The following CAPN12 variants were observed in gnomAD, a reference collection of about 807,000 sequenced individuals.
CAPN12 encodes calpain-12.
A neutral mutation model predicts 95.0 loss-of-function variants in CAPN12; 107 were observed. The observed-to-expected ratio is 1.13, with a 90% CI of 0.96 to 1.32. CAPN12 has a LOEUF of 1.32. Among genes scored for constraint, CAPN12 ranks in the 40% most tolerant of loss-of-function variants. The probability of loss-of-function intolerance (pLI) is 0.00; values close to 1 mark genes in which losing one functional copy is unlikely to be tolerated. For missense variants in CAPN12, 1,136 were observed against 997.8 expected (o/e 1.14, Z -1.87); for synonymous variants, 505 against 415.5 (o/e 1.22, Z -2.62).
Position 38,730,585 on chromosome 19 carries a change from G to A in CAPN12, c.*267C>T. 3.6e-6 allele frequency: 2 copies of A among 561,568 alleles called. No homozygotes were observed. Among genetic ancestry groups the A allele is most frequent in the Admixed American group, 3.1e-5 (1 of 31,852 alleles). The allele number at this position is 561,568 out of a possible 1,614,324, so 34.8% of individuals were successfully genotyped here. ...TCCTGTGTCTGTCCTCCACCTTCTA[G>A]GAGAGCCAGGGCAGAGCTAGCACTG... On this transcript the variant is annotated 3_prime_UTR_variant, in exon 21 of 21. Transcript: ENST00000328867.
Position 38,736,326 on chromosome 19 carries a change from C to G in CAPN12, c.1375-8G>C. ...ATCCCAGAGGCCCAGCAGCTGGGGACGGGGCGGCATGACCACGGACCAGGC... is the reference window on the plus strand; with the variant it reads ...ATCCCAGAGGCCCAGCAGCTGGGGAGGGGGCGGCATGACCACGGACCAGGC... On this transcript the variant is annotated splice_region_variant and splice_polypyrimidine_tract_variant and intron_variant, in intron 11 of 20. Coordinates refer to ENST00000328867, the MANE Select transcript of CAPN12 (RefSeq NM_144691.4). The G allele has an allele frequency of 2.1e-6, 3 of 1,448,038 alleles. No homozygotes were observed. The highest frequency in any genetic ancestry group is 2.7e-6 in the Non-Finnish European group (3 of 1,102,082). 89.7% of individuals were successfully genotyped at this position (1,448,038 alleles called of 1,614,324 possible).
At chr19:38,735,598 G>GTT in intron 12 of CAPN12, 54 bp from the exon 13 acceptor site, 2 of 1,577,972 alleles carry the variant, frequency 1.3e-6, no homozygotes, top group South Asian at 1.1e-5. Flanking sequence ...AGCTGGGGCT[G>GTT]TGTGGGACGG....
chr19:38,742,450 T>G lies in CAPN12; in HGVS notation c.386A>C (p.Gln129Pro). ...RLLRRVVPPG[Q>P]DFQHGYAGVF... ...GCCTGCGTAGCCATGCTGGAAATCC[T>G]GTCCAGGAGGGACCACCCGGCGCAG... The change falls in exon 3 of 21, where the codon CAG (glutamine) becomes CCG (proline). Residue 129 changes from glutamine to proline, a missense_variant. Coordinates refer to ENST00000328867, the MANE Select transcript of CAPN12 (RefSeq NM_144691.4). The G allele has an allele frequency of 6.2e-7, 1 of 1,614,074 alleles. No individual in the cohort carries two copies. Among genetic ancestry groups the G allele is most frequent in the Non-Finnish European group, 8.5e-7 (1 of 1,179,976 alleles).
intron 16 of CAPN12, 43 bp from the exon 17 acceptor site, chr19:38,734,247 C>T (rs998578637): frequency 3.7e-6 from 6 of 1,610,856 alleles, no homozygotes; most frequent in Non-Finnish European, 5.1e-6. Flanking sequence ...TCAATCTCTC[C>T]AGAAGGGGAG....
In CAPN12 at chr19:38,737,574, C is replaced by A; in HGVS notation, c.1030G>T (p.Val344Leu). ...TVQICSLSPE[V>L]LGPSPEGGGW... The stretch of plus-strand genomic sequence containing the variant: ...CCCCCCTCCGGGCTGGGGCCCAGCA[C>A]CTCCGGGCTCAGCGAGCAGATCTGC... The change falls in exon 9 of 21, where the codon GTG (valine) becomes TTG (leucine). Residue 344 changes from valine to leucine, a missense_variant. Transcript: ENST00000328867. The A allele has an allele frequency of 6.2e-7, 1 of 1,612,268 alleles. No individual in the cohort carries two copies. Among genetic ancestry groups the A allele is most frequent in the Non-Finnish European group, 8.5e-7 (1 of 1,179,786 alleles).
intron 15 of CAPN12, 55 bp downstream of exon 15, chr19:38,734,758 G>T: frequency 6.4e-7 from 1 of 1,552,092 alleles, no homozygotes; most frequent in Non-Finnish European, 8.8e-7. Context: ...ACCGGCTCTG[G>T]TTGCAGGACC....
At chr19:38,740,261 G>A in intron 4 of CAPN12, 42 bp from the exon 5 acceptor site, 1 of 1,524,760 alleles carries the variant, frequency 6.6e-7, no homozygotes, top group South Asian at 1.3e-5. Context: ...GCAAGTACAA[G>A]CGTCTCAGGC....
intron 4 of CAPN12, 77 bp downstream of exon 4, chr19:38,741,700 G>A: frequency 6.4e-7 from 1 of 1,561,270 alleles, no homozygotes; most frequent in East Asian, 2.3e-5. Flanking sequence ...AGAGCTTGGG[G>A]GACTCTGGGT....
chr19:38,737,406 AAG>A lies in CAPN12; in HGVS notation c.1130-20_1130-19del. The A allele has an allele frequency of 6.2e-7, 1 of 1,609,034 alleles. No individual in the cohort carries two copies. On this transcript the variant is annotated intron_variant, in intron 9 of 20. Transcript: ENST00000328867. ...GAAGGTTTCTAAGGGAGGAGGAAAA[AAG>A]GGGGTTTCCTAGCCGGCCACAGCGC... is the stretch of plus-strand genomic sequence containing the variant.
Position 38,736,231 on chromosome 19 carries a change from C to CGCGGCGGGCGCTGAGGGGCGA in CAPN12, c.1441_1461dup (p.Ser481_Arg487dup), listed in dbSNP as rs750190605. On this transcript the variant is annotated inframe_insertion, in exon 12 of 21. Transcript: ENST00000328867. The stretch of plus-strand genomic sequence containing the variant: ...CGCAGGCAGCAGCGGCGGGTCACGT[C>CGCGGCGGGCGCTGAGGGGCGA]GCGGCGGGCGCTGAGGGGCGAGCGG... 57 of 1,493,350 alleles carry CGCGGCGGGCGCTGAGGGGCGA rather than the reference C, an allele frequency of 3.8e-5. No individual in the cohort carries two copies. Among genetic ancestry groups the CGCGGCGGGCGCTGAGGGGCGA allele is most frequent in the Non-Finnish European group, 4.4e-5 (50 of 1,127,812 alleles). The allele number at this position is 1,493,350 out of a possible 1,614,324, so 92.5% of individuals were successfully genotyped here. A position where few individuals can be genotyped will look rare whatever the true frequency, so the allele number is the denominator to read the frequency against.
At chr19:38,731,063 G>C (rs368347215) in intron 19 of CAPN12, 40 bp from the exon 20 acceptor site, 1 of 1,555,642 alleles carries the variant, frequency 6.4e-7, no homozygotes, top group Non-Finnish European at 8.7e-7. Flanking sequence ...ACCAGTCCCC[G>C]TACCCCTTCC....
intron 4 of CAPN12, among the ~76,000 whole-genome samples, chr19:38,741,487 C>T (rs1436890122): frequency 1.3e-5 from 2 of 151,558 alleles, no homozygotes; most frequent in South Asian, 2.1e-4. Context: ...ACAGGAGAAT[C>T]GCTGGAACCT....
intron 1 of CAPN12, 152 bp from the exon 2 acceptor site, chr19:38,743,254 TC>T (rs1434681203): frequency 2.6e-6 from 2 of 783,700 alleles, no homozygotes; most frequent in Non-Finnish European, 4.1e-6. Context: ...GCTGAGCCAG[TC>T]CCATGGTAGC....
rs567175208 is a variant in CAPN12, at chr19:38,738,606, C to G, written c.772G>C (p.Gly258Arg). 18 of 1,613,904 alleles carry G rather than the reference C, an allele frequency of 1.1e-5. No individual in the cohort carries two copies. Among genetic ancestry groups the G allele is most frequent in the Non-Finnish European group, 1.5e-5 (18 of 1,180,040 alleles). The change falls in exon 6 of 21, where the codon GGA becomes CGA. Residue 258 changes from glycine (G) to arginine (R), a missense_variant. By Grantham distance (125) the Gly-to-Arg change is moderately radical. Coordinates refer to ENST00000328867, the MANE Select transcript of CAPN12 (RefSeq NM_144691.4). The part of the protein sequence containing the change: ...EYRTEEGLVK[G>R]HAYSITGTHK... The stretch of plus-strand genomic sequence containing the variant: ...GTGCCCGTGATGGAATACGCGTGTC[C>G]CTTTACCAGGCCCTCTTCTGTGCGG...
In CAPN12 at chr19:38,737,575, C is replaced by A. The variant is rs1308018091; in HGVS notation, c.1029G>T (p.Glu343Asp). The change falls in exon 9 of 21, where the codon GAG (glutamate) becomes GAT (aspartate). Residue 343 changes from glutamate (E) to aspartate (D), a missense_variant. Physicochemically the swap from Glu to Asp is conservative, Grantham distance 45. Transcript: ENST00000328867. ...CCCCCTCCGGGCTGGGGCCCAGCAC[C>A]TCCGGGCTCAGCGAGCAGATCTGCA... ...DTVQICSLSP[E>D]VLGPSPEGGG... The A allele has an allele frequency of 6.2e-7, 1 of 1,612,146 alleles. No homozygotes were observed. The highest frequency in any genetic ancestry group is 8.5e-7 in the Non-Finnish European group (1 of 1,179,794).
At position 38,744,439 on chromosome 19, in the gene CAPN12, G is replaced by T. The variant is rs977742986; in HGVS notation, c.-274C>A. The T allele has an allele frequency of 4.4e-5, 23 of 528,482 alleles. No homozygotes were observed. Among genetic ancestry groups the T allele is most frequent in the Non-Finnish European group, 1.7e-5 (5 of 292,068 alleles). 32.7% of individuals were successfully genotyped at this position (528,482 alleles called of 1,614,324 possible). A position where few individuals can be genotyped will look rare whatever the true frequency, so the allele number is the denominator to read the frequency against. On this transcript the variant is annotated 5_prime_UTR_variant, in exon 1 of 21. Transcript: ENST00000328867. Reference sequence around the variant, plus strand: ...AGGCGGGCAGAGCTGAGGGAGGACCGGCTGCCGCTGTCAGAGCACCAAGAA... The same window carrying T: ...AGGCGGGCAGAGCTGAGGGAGGACCTGCTGCCGCTGTCAGAGCACCAAGAA...
At chr19:38,735,462 G>A in intron 13 of CAPN12, 33 bp from the exon 14 acceptor site, 1 of 1,610,880 alleles carries the variant, frequency 6.2e-7, no homozygotes. Context: ...CGCTGGCCAA[G>A]ATCCCCGCCC....
intron 1 of CAPN12, 116 bp from the exon 2 acceptor site, chr19:38,743,218 G>A: frequency 8.7e-7 from 1 of 1,146,316 alleles, no homozygotes; most frequent in Non-Finnish European, 1.3e-6. Context: ...GCAGGAGCAT[G>A]GCTTCCCTGG....
chr19:38,734,070 C>G (rs1969830158), intron 17 of CAPN12, 72 bp downstream of exon 17: 1 of 1,550,386 alleles, frequency 6.5e-7, no homozygotes, highest in Non-Finnish European at 8.8e-7. Flanking sequence ...ACCTGATAGC[C>G]CACAGGGTGC....
Sources: gnomAD v4.1 joint callset for allele counts (sites outside exome capture counted in the v4.1 genomes callset) on GRCh38, gnomAD v4.1.1 for gene constraint, MANE v1.5 for transcripts, NCBI Gene and HGNC (gene_info 2026-07-23, HGNC 2026-07-21) for gene names.